The following GAB1 variants were observed in gnomAD, a reference collection of about 807,000 sequenced individuals.
The protein encoded by GAB1 is GRB2 associated binding protein 1, also known as GRB2-associated-binding protein 1.
In GAB1, 19 loss-of-function variants were observed where a neutral mutation model predicts 66.5. That is an observed-to-expected ratio of 0.29 (90% CI 0.20 to 0.42). GAB1 has a LOEUF of 0.42. Among genes scored for constraint, GAB1 ranks in the 10% least tolerant of loss-of-function variants. The pLI, the probability that GAB1 is intolerant of heterozygous loss-of-function variation, is 1.00. For missense variants in GAB1, 732 were observed against 858.5 expected (o/e 0.85, Z 1.84); for synonymous variants, 294 against 301.4 (o/e 0.98, Z 0.25).
intron 1 of GAB1, among the ~76,000 whole-genome samples, chr4:143,405,856 A>G (rs149501669): frequency 6.6e-6 from 1 of 152,264 alleles, no homozygotes; most frequent in African/African-American, 2.4e-5. Flanking sequence ...TGTTGCCAAT[A>G]TTCCTTCACA....
At position 143,423,792 on chromosome 4, in the gene GAB1, G is replaced by GTATATATA. The variant is rs35559967; in HGVS notation, c.367+8059_367+8066dup. Among the ~76,000 whole-genome samples the GTATATATA allele has an allele frequency of 7.1e-3, 481 of 67,622 alleles. 5 individuals carry two copies. The highest frequency in any genetic ancestry group is 0.01 in the South Asian group (11 of 1,088). 44.4% of individuals were successfully genotyped at this position (67,622 alleles called of 152,430 possible). A position where few individuals can be genotyped will look rare whatever the true frequency, so the allele number is the denominator to read the frequency against. ...CTCCATCTCAAAAAAAAAAAAAAGT[G>GTATATATA]TATATATATATATATATATATATAT... is the stretch of plus-strand genomic sequence containing the variant. On this transcript the variant is annotated intron_variant, in intron 2 of 9. Coordinates refer to ENST00000262994, the MANE Select transcript of GAB1 (RefSeq NM_002039.4).
At chr4:143,437,360 A>G (rs1261336693) in intron 3 of GAB1, among the ~76,000 whole-genome samples, 1 of 152,212 alleles carries the variant, frequency 6.6e-6, no homozygotes, top group Non-Finnish European at 1.5e-5. Flanking sequence ...AGATTTCTCA[A>G]AGTGAGTTAT....
At chr4:143,444,705 C>G (rs908285474) in intron 6 of GAB1, among the ~76,000 whole-genome samples, 1 of 152,058 alleles carries the variant, frequency 6.6e-6, no homozygotes, top group Non-Finnish European at 1.5e-5. Context: ...TATGAATGAT[C>G]CTGTCACTCA....
chr4:143,457,615 TACAGAATCCATTTTCCAA>T, intron 6 of GAB1: 2 of 497,704 alleles, frequency 4.0e-6, no homozygotes, highest in Non-Finnish European at 6.5e-6. Context: ...TTTTTTTTTT[TACAGAATCCATTTTCCAA>T]TTAATAAATA....
At chr4:143,372,932 A>C (rs2149668173) in intron 1 of GAB1, among the ~76,000 whole-genome samples, 1 of 152,252 alleles carries the variant, frequency 6.6e-6, no homozygotes, top group East Asian at 1.9e-4. Context: ...CCAGAATTCA[A>C]CTCATCTTTC....
intron 1 of GAB1, among the ~76,000 whole-genome samples, chr4:143,376,226 G>A (rs1040129235): frequency 2.0e-5 from 3 of 152,146 alleles, no homozygotes; most frequent in African/African-American, 7.2e-5. Flanking sequence ...AGGTAATACT[G>A]TTTAGGGCTT....
chr4:143,345,019 T>C lies in GAB1; in HGVS notation c.72+7759T>C, dbSNP rs1291522181. ...AACTTGTAGCTGCCAAGCCCTGTCC[T>C]GCAGTATTATCTGGAACAAAAATTT... On this transcript the variant is annotated intron_variant, in intron 1 of 9. Transcript: ENST00000262994. Among the ~76,000 whole-genome samples, 4 of 152,236 alleles carry C rather than the reference T, an allele frequency of 2.6e-5. No homozygotes were observed. In the East Asian group the frequency reaches 7.7e-4, roughly 29 times the overall value.
chr4:143,394,098 C>T (rs1731317898), intron 1 of GAB1, among the ~76,000 whole-genome samples: 1 of 152,044 alleles, frequency 6.6e-6, no homozygotes, highest in African/African-American at 2.4e-5. Flanking sequence ...ACGGTGAAAC[C>T]CTGTCTCTAT....
intron 2 of GAB1, among the ~76,000 whole-genome samples, chr4:143,430,307 TAAC>T (rs925509228): frequency 7.2e-5 from 11 of 152,230 alleles, no homozygotes; most frequent in African/African-American, 2.4e-4. Flanking sequence ...TACAATAACA[TAAC>T]AACCTTAATT....
At chr4:143,382,804 G>A (rs181393214) in intron 1 of GAB1, among the ~76,000 whole-genome samples, 7 of 152,084 alleles carry the variant, frequency 4.6e-5, no homozygotes, top group Admixed American at 3.3e-4. Flanking sequence ...AAGTAAATAC[G>A]TGGCCTCAGA....
intron 1 of GAB1, among the ~76,000 whole-genome samples, chr4:143,364,752 C>T (rs920500671): frequency 4.6e-5 from 7 of 151,890 alleles, no homozygotes; most frequent in Non-Finnish European, 8.8e-5. Context: ...TTTGCTTGTT[C>T]ACTCCCCGCG....
chr4:143,346,661 C>T (rs937615220), intron 1 of GAB1, among the ~76,000 whole-genome samples: 2 of 152,166 alleles, frequency 1.3e-5, no homozygotes, highest in Admixed American at 1.3e-4. Context: ...GAACCCTCTA[C>T]CCTCTGGCAA....
chr4:143,459,667 C>T (rs1228607230), intron 7 of GAB1, among the ~76,000 whole-genome samples, 189 bp downstream of exon 7: 5 of 152,028 alleles, frequency 3.3e-5, no homozygotes, highest in Non-Finnish European at 7.4e-5. Flanking sequence ...TATTTTTTCT[C>T]CTTCTGAGTG....
chr4:143,468,783 C>T (rs1041521746), intron 9 of GAB1, among the ~76,000 whole-genome samples: 3 of 151,836 alleles, frequency 2.0e-5, no homozygotes, highest in African/African-American at 4.8e-5. Context: ...ATTAGCCAGG[C>T]GTGGTGGCAC....
intron 8 of GAB1, among the ~76,000 whole-genome samples, chr4:143,465,704 TCAAA>T (rs1306532290): frequency 6.6e-6 from 1 of 152,076 alleles, no homozygotes. Context: ...GCCAATGGAG[TCAAA>T]CAAATTTTAG....
At chr4:143,392,762 G>C (rs1216353949) in intron 1 of GAB1, among the ~76,000 whole-genome samples, 1 of 152,148 alleles carries the variant, frequency 6.6e-6, no homozygotes, top group Non-Finnish European at 1.5e-5. Context: ...GAATGCATTT[G>C]TGTGGTATAC....
chr4:143,350,095 G>C, intron 1 of GAB1: 1 of 1,345,704 alleles, frequency 7.4e-7, no homozygotes, highest in Non-Finnish European at 1.0e-6. Flanking sequence ...GGGCCCTCCC[G>C]CTGCACCGGC....
Position 143,438,513 on chromosome 4 carries a change from G to A in GAB1, c.1108G>A (p.Asp370Asn). 2 of 1,613,966 alleles carry A rather than the reference G, an allele frequency of 1.2e-6. No homozygotes were observed. Among genetic ancestry groups the A allele is most frequent in the Non-Finnish European group, 1.7e-6 (2 of 1,179,968 alleles). Residue 370 changes from aspartate (D) to asparagine (N), a missense_variant, in exon 4 of 10, where the codon GAC (aspartate) becomes AAC (asparagine). Transcript: ENST00000262994. The part of the protein sequence containing the change: ...CSIPRTASDT[D>N]SSYCIPTAGM... The stretch of plus-strand genomic sequence containing the variant: ...TATCCCACGCACCGCCTCAGACACT[G>A]ACAGTAGTTACTGTATCCCTACAGC...
intron 7 of GAB1, among the ~76,000 whole-genome samples, chr4:143,459,896 G>A (rs192980012): frequency 8.5e-4 from 130 of 152,140 alleles, no homozygotes; most frequent in African/African-American, 3.1e-3. Flanking sequence ...AAGTACTGAG[G>A]ACTACTAATC....
Sources: allele counts gnomAD v4.1 joint callset (sites outside exome capture counted in the v4.1 genomes callset), GRCh38; gene constraint gnomAD v4.1.1; transcripts MANE v1.5; gene names NCBI Gene and HGNC (gene_info 2026-07-23, HGNC 2026-07-21).